The following BAG1 variants were observed in gnomAD, a reference collection of about 807,000 sequenced individuals.
The protein encoded by BAG1 is BAG family molecular chaperone regulator 1.
In BAG1, 35 loss-of-function variants were observed where a neutral mutation model predicts 35.5. The observed-to-expected ratio is 0.99, with a 90% CI of 0.75 to 1.31. The LOEUF (loss-of-function observed/expected upper bound fraction) is 1.31, where lower values mean the gene tolerates loss of function less well. Among genes scored for constraint, BAG1 ranks in the 50% most tolerant of loss-of-function variants. The pLI is 0.00. For synonymous variants in BAG1, 191 were observed against 178.9 expected (o/e 1.07, Z -0.54); for missense variants, 464 against 453.6 (o/e 1.02, Z -0.21).
chr9:33,262,619 T>C, intron 2 of BAG1, 83 bp downstream of exon 2: 1 of 1,373,750 alleles, frequency 7.3e-7, no homozygotes, highest in South Asian at 1.5e-5. Flanking sequence ...ATCGTGCCAT[T>C]GCACTCCAGC....
In BAG1 at chr9:33,264,368, C is replaced by G. The variant is rs762998621; in HGVS notation, c.307G>C (p.Glu103Gln). 1.2e-6 allele frequency: 2 copies of G among 1,611,366 alleles called. No homozygotes were observed. The highest frequency in any genetic ancestry group is 2.2e-5 in the South Asian group (2 of 90,878). The change falls in exon 1 of 7, where the codon GAG becomes CAG. Residue 103 changes from glutamate (E) to glutamine (Q), a missense_variant. Coordinates refer to ENST00000634734, the MANE Select transcript of BAG1 (RefSeq NM_004323.6). ...GTCGCCTCCTCACTCTGGGTCGCCTCTTCACTCCAGGTCGCTTCCTCACTC... is the reference window on the plus strand; with the variant it reads ...GTCGCCTCCTCACTCTGGGTCGCCTGTTCACTCCAGGTCGCTTCCTCACTC...
In BAG1 at chr9:33,256,842, T is replaced by C. The variant is rs775787205; in HGVS notation, c.844A>G (p.Ile282Val). ...TCCAAGATCTTCATAAACTGCTCTA[T>C]TGTGGCTTTTACTCTCCTATCAAGT... Residue 282 changes from isoleucine to valine, a missense_variant, in exon 5 of 7, where the codon ATA becomes GTA. Coordinates refer to ENST00000634734, the MANE Select transcript of BAG1 (RefSeq NM_004323.6). 1 of 1,614,248 alleles carries C rather than the reference T, an allele frequency of 6.2e-7. No individual in the cohort carries two copies.
intron 1 of BAG1, among the ~76,000 whole-genome samples, chr9:33,263,911 TA>T (rs3834387): frequency 0.081 from 12,289 of 151,972 alleles, 566 homozygotes; most frequent in African/African-American, 0.13. Context: ...TGGCCCAATA[TA>T]TGCCTGACAC....
chr9:33,254,644 G>C lies in BAG1; in HGVS notation c.*575C>G, dbSNP rs999206567. 1.6e-5 allele frequency: 3 copies of C among 182,410 alleles called. No individual in the cohort carries two copies. Among genetic ancestry groups the C allele is most frequent in the African/African-American group, 2.4e-5 (1 of 41,900 alleles). The allele number at this position is 182,410 out of a possible 1,614,324, so 11.3% of individuals were successfully genotyped here. ...GTATCTCATGGCCTGTGGCTAGTCAGGGTCACTGGGAGGTGAGGACAAAGT... is the reference window on the plus strand; with the variant it reads ...GTATCTCATGGCCTGTGGCTAGTCACGGTCACTGGGAGGTGAGGACAAAGT... On this transcript the variant is annotated 3_prime_UTR_variant, in exon 7 of 7. Coordinates refer to ENST00000634734, the MANE Select transcript of BAG1 (RefSeq NM_004323.6).
At position 33,262,772 on chromosome 9, in the gene BAG1, G is replaced by A. The variant is rs1287202665; in HGVS notation, c.510C>T (p.Val170=). 4 of 1,614,210 alleles carry A rather than the reference G, an allele frequency of 2.5e-6. No homozygotes were observed. Among genetic ancestry groups the A allele is most frequent in the Non-Finnish European group, 3.4e-6 (4 of 1,180,030 alleles). ...CTTCAACAACCTGGGCCAGGTCTTGGACAACTGGTTCACTGCTGCCCTGCT... is the reference window on the plus strand; with the variant it reads ...CTTCAACAACCTGGGCCAGGTCTTGAACAACTGGTTCACTGCTGCCCTGCT... Residue 170 remains valine, a synonymous_variant, in exon 2 of 7, where the codon GTC becomes GTT. Coordinates refer to ENST00000634734, the MANE Select transcript of BAG1 (RefSeq NM_004323.6).
intron 4 of BAG1, chr9:33,257,902 A>C (rs1235693157): frequency 6.6e-6 from 1 of 152,226 alleles, no homozygotes; most frequent in Admixed American, 6.5e-5. Flanking sequence ...GTCATCTCTG[A>C]GTTGGTGCCC....
rs16919129 is a variant in BAG1 at position 33,254,676 on chromosome 9, C to T, written c.*543G>A. 1 of 212,750 alleles carries T rather than the reference C, an allele frequency of 4.7e-6. No individual in the cohort carries two copies. Among genetic ancestry groups the T allele is most frequent in the Non-Finnish European group, 9.5e-6 (1 of 104,746 alleles). The allele number at this position is 212,750 out of a possible 1,614,324, so 13.2% of individuals were successfully genotyped here. ...TGGGAGGTGAGGACAAAGTCTAGAA[C>T]CCAACAACCCAGCCAGATGCTCTGG... On this transcript the variant is annotated 3_prime_UTR_variant, in exon 7 of 7. Transcript: ENST00000634734.
At position 33,262,780 on chromosome 9, in the gene BAG1, G is replaced by A; in HGVS notation, c.502C>T (p.Pro168Ser). 6.2e-7 allele frequency: 1 copy of A among 1,614,152 alleles called. No individual in the cohort carries two copies. The highest frequency in any genetic ancestry group is 8.5e-7 in the Non-Finnish European group (1 of 1,179,988). The change falls in exon 2 of 7, where the codon CCA becomes TCA. Residue 168 changes from proline (P) to serine (S), a missense_variant. Physicochemically the swap from Pro to Ser is moderately conservative, Grantham distance 74. Transcript: ENST00000634734. The stretch of plus-strand genomic sequence containing the variant: ...ACCTGGGCCAGGTCTTGGACAACTG[G>A]TTCACTGCTGCCCTGCTGGGAGGTA...
rs1193935395 is a variant in BAG1 at position 33,264,132 on chromosome 9, G to A, written c.451+92C>T. 3 of 1,429,450 alleles carry A rather than the reference G, an allele frequency of 2.1e-6. No homozygotes were observed. In the Admixed American group the frequency reaches 6.8e-5, roughly 32 times the overall value. 88.5% of individuals were successfully genotyped at this position (1,429,450 alleles called of 1,614,324 possible). On this transcript the variant is annotated intron_variant, in intron 1 of 6. Transcript: ENST00000634734. ...TTCCGGACGCCAGGACAAGCGCAAG[G>A]TCACACGCTTCTGGAGGACACGTGA...
At chr9:33,262,017 A>G (rs540650903) in intron 2 of BAG1, 1 of 1,196,692 alleles carries the variant, frequency 8.4e-7, no homozygotes, top group South Asian at 1.5e-5. Flanking sequence ...AGCAACTAAG[A>G]AAATGATTAT....
chr9:33,262,092 A>G lies in BAG1; in HGVS notation c.580+610T>C, dbSNP rs1351266273. On this transcript the variant is annotated intron_variant, in intron 2 of 6. Coordinates refer to ENST00000634734, the MANE Select transcript of BAG1 (RefSeq NM_004323.6). ...GAGTACCATGGTAACATATAATGGG[A>G]AGATGATCTAACCTAGCGAGGGAAG... The G allele has an allele frequency of 2.3e-6, 3 of 1,284,368 alleles. No homozygotes were observed. In the South Asian group the frequency reaches 3.7e-5, roughly 16 times the overall value. The allele number at this position is 1,284,368 out of a possible 1,614,324, so 79.6% of individuals were successfully genotyped here.
chr9:33,262,392 C>G, intron 2 of BAG1: 1 of 1,085,762 alleles, frequency 9.2e-7, no homozygotes, highest in South Asian at 1.7e-5. Flanking sequence ...TGCAGTGGCT[C>G]ACACCTGTAA....
chr9:33,262,147 A>C, intron 2 of BAG1: 10 of 1,289,818 alleles, frequency 7.8e-6, no homozygotes, highest in Non-Finnish European at 9.1e-6. Flanking sequence ...GAAAATGGTG[A>C]GATTTCTGCC....
rs1346270044 is a variant in BAG1 at position 33,264,444 on chromosome 9, C to G, written c.231G>C (p.Arg77=). 1 of 1,613,742 alleles carries G rather than the reference C, an allele frequency of 6.2e-7. No individual in the cohort carries two copies. The highest frequency in any genetic ancestry group is 8.5e-7 in the Non-Finnish European group (1 of 1,179,696). Residue 77 remains arginine, a synonymous_variant, in exon 1 of 7, where the codon CGG becomes CGC. Coordinates refer to ENST00000634734, the MANE Select transcript of BAG1 (RefSeq NM_004323.6). Reference sequence around the variant, plus strand: ...ACTCCTCGCTCCGGGTCGAGCGGCGCCGGGTTTTCTTCTTCATCCGCGGCC... The same window carrying G: ...ACTCCTCGCTCCGGGTCGAGCGGCGGCGGGTTTTCTTCTTCATCCGCGGCC...
At chr9:33,262,899 T>C in intron 1 of BAG1, 69 bp from the exon 2 acceptor site, 1 of 1,578,610 alleles carries the variant, frequency 6.3e-7, no homozygotes, top group Admixed American at 1.8e-5. Context: ...TGACACTTTA[T>C]CACATTTATT....
chr9:33,258,921 T>C lies in BAG1; in HGVS notation c.776A>G (p.Gln259Arg). ...GTTAAGGTCCATGAAGAGAGTTACC[T>C]GCTGGATTCCAGTAAGCTCTTTATT... The change falls in exon 4 of 7, where the codon CAG becomes CGG. Residue 259 changes from glutamine (Q) to arginine (R), a missense_variant and splice_region_variant. By Grantham distance (43) the Gln-to-Arg change is conservative. Coordinates refer to ENST00000634734, the MANE Select transcript of BAG1 (RefSeq NM_004323.6). 1 of 1,612,756 alleles carries C rather than the reference T, an allele frequency of 6.2e-7. No individual in the cohort carries two copies. Among genetic ancestry groups the C allele is most frequent in the Non-Finnish European group, 8.5e-7 (1 of 1,178,694 alleles).
At chr9:33,261,315 T>C (rs1820566073) in intron 2 of BAG1, 146 bp from the exon 3 acceptor site, 1 of 539,856 alleles carries the variant, frequency 1.9e-6, no homozygotes, top group African/African-American at 1.9e-5. Flanking sequence ...TAATTTCATT[T>C]CCAGATATTT....
At position 33,255,088 on chromosome 9, in the gene BAG1, T is replaced by C. The variant is rs1047614; in HGVS notation, c.*131A>G. The C allele has an allele frequency of 1.3e-6, 2 of 1,599,220 alleles. No homozygotes were observed. Among genetic ancestry groups the C allele is most frequent in the East Asian group, 2.2e-5 (1 of 44,616 alleles). On this transcript the variant is annotated 3_prime_UTR_variant, in exon 7 of 7. Transcript: ENST00000634734. ...CACTATTTTTCATTGAGAACCAGTG[T>C]GAGAGTAGGAAAATTGGCAAATGGC... is the stretch of plus-strand genomic sequence containing the variant.
chr9:33,259,369 A>T (rs1820522721), intron 3 of BAG1: 1 of 162,772 alleles, frequency 6.1e-6, no homozygotes, highest in Non-Finnish European at 1.3e-5. Flanking sequence ...CTCAAAAAAA[A>T]AAAAGAAAAA....
Sources: gnomAD v4.1 joint callset for allele counts (sites outside exome capture counted in the v4.1 genomes callset) on GRCh38, gnomAD v4.1.1 for gene constraint, MANE v1.5 for transcripts, NCBI Gene and HGNC (gene_info 2026-07-23, HGNC 2026-07-21) for gene names.